DENND1A: variants seen among roughly 807,000 people sequenced by gnomAD.
DENND1A encodes the protein DENN domain containing 1A, also known as DENN domain-containing protein 1A.
A neutral mutation model predicts 113.7 loss-of-function variants in DENND1A; 51 were observed. The ratio of observed to expected loss-of-function variants is 0.45; its 90% CI spans 0.36 to 0.57. DENND1A has a LOEUF of 0.57. Ranked by LOEUF, DENND1A falls within the 20% of genes least tolerant of loss-of-function variation. The pLI, the probability that DENND1A is intolerant of heterozygous loss-of-function variation, is 0.00. For synonymous variants in DENND1A, 565 were observed against 570.8 expected (o/e 0.99, Z 0.14); for missense variants, 1,258 against 1,395.9 (o/e 0.90, Z 1.57).
intron 21 of DENND1A, among the ~76,000 whole-genome samples, chr9:123,398,176 G>A (rs931569896): frequency 2.6e-5 from 4 of 152,206 alleles, no homozygotes; most frequent in Admixed American, 6.5e-5. Context: ...CAGCAACTCT[G>A]TGAGGGCCAG....
intron 12 of DENND1A, among the ~76,000 whole-genome samples, chr9:123,571,521 T>C (rs979409069): frequency 3.9e-5 from 6 of 152,210 alleles, no homozygotes; most frequent in Non-Finnish European, 5.9e-5. Context: ...ATAGACTAGC[T>C]TTCTCTCTTC....
At chr9:123,809,009 G>A (rs940958688) in intron 2 of DENND1A, among the ~76,000 whole-genome samples, 7 of 152,282 alleles carry the variant, frequency 4.6e-5, no homozygotes, top group Non-Finnish European at 4.4e-5. Flanking sequence ...AAGATCCTGG[G>A]TATGATTTAG....
chr9:123,514,102 G>GTC, intron 13 of DENND1A, among the ~76,000 whole-genome samples: 1 of 51,352 alleles, frequency 1.9e-5, no homozygotes, highest in South Asian at 7.0e-4. Flanking sequence ...GTGTGTATGT[G>GTC]TGTGTGTCTG....
intron 10 of DENND1A, among the ~76,000 whole-genome samples, chr9:123,611,035 T>C (rs1213107421): frequency 4.6e-5 from 7 of 152,256 alleles, no homozygotes; most frequent in Admixed American, 1.3e-4. Context: ...AGCAGTAATA[T>C]AATATGTCTT....
intron 19 of DENND1A, among the ~76,000 whole-genome samples, chr9:123,424,156 T>G (rs2045534327): frequency 6.6e-6 from 1 of 152,152 alleles, no homozygotes; most frequent in African/African-American, 2.4e-5. Context: ...AGCTGTACCC[T>G]CTTTCCTCCA....
chr9:123,435,898 C>T (rs1040918634), intron 19 of DENND1A, among the ~76,000 whole-genome samples: 11 of 152,230 alleles, frequency 7.2e-5, no homozygotes, highest in African/African-American at 2.7e-4. Flanking sequence ...ATTTCTTCCT[C>T]ACCCGCTGAT....
chr9:123,793,868 G>A lies in DENND1A; in HGVS notation c.89-1238C>T, dbSNP rs147148123. On this transcript the variant is annotated intron_variant, in intron 2 of 23. Transcript: ENST00000394215. ...GGTTATGCCAAAAGTAGAGCCTCTCGAAATGAGTGGTGCAAAAAAGTTGAA... is the reference window on the plus strand; with the variant it reads ...GGTTATGCCAAAAGTAGAGCCTCTCAAAATGAGTGGTGCAAAAAAGTTGAA... Among the ~76,000 whole-genome samples the A allele has an allele frequency of 5.0e-3, 754 of 152,278 alleles. 4 individuals carry two copies. The highest frequency in any genetic ancestry group is 0.017 in the African/African-American group (726 of 41,562).
At position 123,382,220 on chromosome 9, in the gene DENND1A, G is replaced by A; in HGVS notation, c.2425C>T (p.Leu809=). The A allele has an allele frequency of 6.2e-7, 1 of 1,609,466 alleles. No individual in the cohort carries two copies. The highest frequency in any genetic ancestry group is 8.5e-7 in the Non-Finnish European group (1 of 1,179,518). The change falls in exon 24 of 24, where the codon CTG becomes TTG. Residue 809 remains leucine (L), a synonymous_variant. Coordinates refer to ENST00000394215, the MANE Select transcript of DENND1A (RefSeq NM_001352964.2). ...ACACCAGGCAGGAGCCCTGGACTCA[G>A]GGCAGCTCGCCTGTCCCGATCCGTC... ...LQTDRDRRAA[L]SPGLLPGVVP... is the part of the protein sequence containing the mutation.
At chr9:123,430,563 A>G (rs1386034164) in intron 19 of DENND1A, among the ~76,000 whole-genome samples, 1 of 152,224 alleles carries the variant, frequency 6.6e-6, no homozygotes. Flanking sequence ...TCAGCAAACT[A>G]GTGCAGGAAT....
At chr9:123,721,595 A>G (rs1417423570) in intron 5 of DENND1A, among the ~76,000 whole-genome samples, 3 of 152,204 alleles carry the variant, frequency 2.0e-5, no homozygotes, top group Admixed American at 1.3e-4. Context: ...ATGTCGTGGG[A>G]GCAACCCTGT....
chr9:123,555,557 A>AC (rs1232334369), intron 13 of DENND1A, among the ~76,000 whole-genome samples: 1 of 151,978 alleles, frequency 6.6e-6, no homozygotes, highest in Non-Finnish European at 1.5e-5. Context: ...TACTCATCAG[A>AC]CCCAGTTCAA....
At chr9:123,499,944 G>A (rs114912460) in intron 13 of DENND1A, among the ~76,000 whole-genome samples, 99 of 152,312 alleles carry the variant, frequency 6.5e-4, no homozygotes, top group African/African-American at 2.4e-3. Flanking sequence ...TGCCACTGCC[G>A]AATGAATCGA....
intron 11 of DENND1A, among the ~76,000 whole-genome samples, chr9:123,587,255 C>T (rs931943716): frequency 1.3e-5 from 2 of 152,132 alleles, no homozygotes; most frequent in South Asian, 2.1e-4. Context: ...CAGAGCATAA[C>T]TGAGTGGCTC....
chr9:123,523,306 C>T (rs2054543109), intron 13 of DENND1A, among the ~76,000 whole-genome samples: 1 of 152,182 alleles, frequency 6.6e-6, no homozygotes, highest in African/African-American at 2.4e-5. Context: ...CTCAGCGCTC[C>T]ACATTCCTCA....
intron 13 of DENND1A, among the ~76,000 whole-genome samples, chr9:123,471,790 C>A (rs530378327): frequency 6.6e-6 from 1 of 152,210 alleles, no homozygotes; most frequent in Non-Finnish European, 1.5e-5. Flanking sequence ...CCCACGACAC[C>A]CCCGAGCTCT....
intron 13 of DENND1A, among the ~76,000 whole-genome samples, chr9:123,465,867 C>T (rs559683369): frequency 2.6e-4 from 39 of 152,218 alleles, no homozygotes; most frequent in African/African-American, 9.1e-4. Context: ...TTGTGCAATG[C>T]CAGTTTTAAA....
intron 5 of DENND1A, among the ~76,000 whole-genome samples, chr9:123,710,531 T>G (rs1011991149): frequency 6.7e-5 from 7 of 104,566 alleles, no homozygotes; most frequent in Non-Finnish European, 1.9e-5. Flanking sequence ...TAAAGCCTCA[T>G]TAAACACACA....
rs1022968660 is a variant in DENND1A, at chr9:123,920,197, G to T, written c.17+9692C>A. The stretch of plus-strand genomic sequence containing the variant: ...TGTAATCCCAGCACTTCGGGAGGCC[G>T]AGGCGGGCGGATCACCTGAGGTCAG... On this transcript the variant is annotated intron_variant, in intron 1 of 23. Coordinates refer to ENST00000394215, the MANE Select transcript of DENND1A (RefSeq NM_001352964.2). Among the ~76,000 whole-genome samples, 6 of 152,342 alleles carry T rather than the reference G, an allele frequency of 3.9e-5. No individual in the cohort carries two copies. The East Asian group carries it at 1.2e-3, about 29-fold the overall frequency.
At chr9:123,484,210 C>T (rs1185249207) in intron 13 of DENND1A, among the ~76,000 whole-genome samples, 3 of 152,150 alleles carry the variant, frequency 2.0e-5, no homozygotes, top group African/African-American at 7.2e-5. Context: ...TAGCAGGACA[C>T]AAGGTGAAGG....
Sources: allele counts gnomAD v4.1 joint callset (sites outside exome capture counted in the v4.1 genomes callset), GRCh38; gene constraint gnomAD v4.1.1; transcripts MANE v1.5; gene names NCBI Gene and HGNC (gene_info 2026-07-23, HGNC 2026-07-21).